Variants in TBC1D22A observed in about 807,000 individuals in gnomAD.
The protein encoded by TBC1D22A is putative GTPase activator.
A neutral mutation model predicts 60.2 loss-of-function variants in TBC1D22A; 38 were observed. The observed-to-expected ratio is 0.63, with a 90% CI of 0.49 to 0.83. The LOEUF (loss-of-function observed/expected upper bound fraction) is 0.83. TBC1D22A is among the 40% of genes least tolerant of loss of function. The pLI, the probability that TBC1D22A is intolerant of heterozygous loss-of-function variation, is 0.00. For missense variants in TBC1D22A, 628 were observed against 701.0 expected, an observed-to-expected ratio of 0.90 and a Z score of 1.18; for synonymous variants, 302 against 281.7, an observed-to-expected ratio of 1.07 and a Z score of -0.72.
At position 47,020,165 on chromosome 22, in the gene TBC1D22A, C is replaced by G. The variant is rs1003136136; in HGVS notation, c.1202-16906C>G. ...TGGAAAGATTTCATGTCGTCATGAG[C>G]TTGCATTCTTATGGGAGGAACAGCC... is the stretch of plus-strand genomic sequence containing the variant. On this transcript the variant is annotated intron_variant, in intron 10 of 12. Coordinates refer to ENST00000337137, the MANE Select transcript of TBC1D22A (RefSeq NM_014346.5). 6.5e-4 allele frequency among the ~76,000 whole-genome samples: 99 copies of G among 152,226 alleles called. 1 individual carries two copies. Among genetic ancestry groups the G allele is most frequent in the Admixed American group, 6.5e-3 (99 of 15,288 alleles).
At chr22:46,888,285 A>G (rs550739289) in intron 5 of TBC1D22A, among the ~76,000 whole-genome samples, 1 of 152,296 alleles carries the variant, frequency 6.6e-6, no homozygotes, top group South Asian at 2.1e-4. Flanking sequence ...CCGGACCACA[A>G]GGGTTGGGCA....
At chr22:46,966,571 A>G (rs925652220) in intron 8 of TBC1D22A, among the ~76,000 whole-genome samples, 34 of 152,258 alleles carry the variant, frequency 2.2e-4, no homozygotes, top group Non-Finnish European at 4.3e-4. Flanking sequence ...TTGAAACATT[A>G]AAGATCCACT....
chr22:47,140,120 C>A (rs2067023682), intron 12 of TBC1D22A, among the ~76,000 whole-genome samples: 1 of 152,174 alleles, frequency 6.6e-6, no homozygotes, highest in East Asian at 1.9e-4. Context: ...TTGGGAGCCA[C>A]AGACCTAATG....
At chr22:47,104,887 C>G (rs5767489) in intron 11 of TBC1D22A, among the ~76,000 whole-genome samples, 1 of 151,692 alleles carries the variant, frequency 6.6e-6, no homozygotes, top group African/African-American at 2.4e-5. Flanking sequence ...ATTCACCTAT[C>G]GCCTGGGAAC....
At chr22:46,765,547 C>A (rs1371439376) in intron 1 of TBC1D22A, among the ~76,000 whole-genome samples, 1 of 151,440 alleles carries the variant, frequency 6.6e-6, no homozygotes, top group Non-Finnish European at 1.5e-5. Flanking sequence ...CTCACTGCAA[C>A]CTCTGCCTCC....
At chr22:47,121,706 G>GA (rs1278829315) in intron 12 of TBC1D22A, among the ~76,000 whole-genome samples, 4 of 150,516 alleles carry the variant, frequency 2.7e-5, no homozygotes, top group South Asian at 2.1e-4. Context: ...TTTCTTGTTT[G>GA]AAAAAAAATT....
chr22:47,146,341 C>G (rs148080336), intron 12 of TBC1D22A, among the ~76,000 whole-genome samples: 10 of 152,322 alleles, frequency 6.6e-5, no homozygotes, highest in African/African-American at 2.4e-4. Context: ...CTCCCCAGCT[C>G]AGAGTCCTGC....
intron 10 of TBC1D22A, among the ~76,000 whole-genome samples, chr22:47,006,248 G>A (rs553152578): frequency 3.3e-5 from 5 of 152,316 alleles, no homozygotes; most frequent in South Asian, 2.1e-4. Flanking sequence ...GACTTCGATT[G>A]AGCTATAAAT....
At chr22:46,810,079 C>T (rs2147025159) in intron 4 of TBC1D22A, among the ~76,000 whole-genome samples, 1 of 152,302 alleles carries the variant, frequency 6.6e-6, no homozygotes, top group East Asian at 1.9e-4. Context: ...AAATGTGTCA[C>T]ATCAGCTCAC....
chr22:47,104,479 GAGGTC>G (rs57236019), intron 11 of TBC1D22A, among the ~76,000 whole-genome samples: 67,783 of 151,168 alleles, frequency 0.45, 16,101 homozygotes, highest in African/African-American at 0.63. Flanking sequence ...TGGATCACCT[GAGGTC>G]AGGAGTTTAA....
chr22:46,809,877 G>T (rs996686493), intron 4 of TBC1D22A, among the ~76,000 whole-genome samples: 1 of 152,040 alleles, frequency 6.6e-6, no homozygotes, highest in Non-Finnish European at 1.5e-5. Flanking sequence ...GGCATTTGTT[G>T]TCCTTTTATT....
chr22:46,966,267 C>T (rs2073799093), intron 8 of TBC1D22A, among the ~76,000 whole-genome samples: 1 of 152,148 alleles, frequency 6.6e-6, no homozygotes, highest in Admixed American at 6.5e-5. Flanking sequence ...TCTGCCCCAT[C>T]ACCCTGTTCA....
At chr22:46,947,406 G>A (rs563546087) in intron 8 of TBC1D22A, among the ~76,000 whole-genome samples, 8 of 152,282 alleles carry the variant, frequency 5.3e-5, no homozygotes, top group Middle Eastern at 6.8e-3. Context: ...TTAGCGCTGC[G>A]CATTAAAGGT....
intron 10 of TBC1D22A, 58 bp from the exon 11 acceptor site, chr22:47,037,013 G>T: frequency 6.2e-7 from 1 of 1,604,654 alleles, no homozygotes; most frequent in Non-Finnish European, 8.5e-7. Context: ...TGACCTGGCT[G>T]CCAGTGCCTC....
At chr22:47,169,959 G>T (rs1361284906) in intron 12 of TBC1D22A, among the ~76,000 whole-genome samples, 1 of 152,248 alleles carries the variant, frequency 6.6e-6, no homozygotes, top group African/African-American at 2.4e-5. Context: ...GAATGTGACC[G>T]AGGGATGGCT....
chr22:47,126,902 A>G (rs2066478420), intron 12 of TBC1D22A, among the ~76,000 whole-genome samples: 1 of 152,224 alleles, frequency 6.6e-6, no homozygotes, highest in South Asian at 2.1e-4. Context: ...CGTCTGGCTC[A>G]CTGTACTTCT....
intron 7 of TBC1D22A, among the ~76,000 whole-genome samples, chr22:46,895,165 C>G (rs2147632758): frequency 6.6e-6 from 1 of 152,276 alleles, no homozygotes; most frequent in Middle Eastern, 3.4e-3. Context: ...TGGCCTTGAC[C>G]TCAGGCCTGA....
chr22:47,024,616 G>A (rs1189652315), intron 10 of TBC1D22A, among the ~76,000 whole-genome samples: 1 of 152,130 alleles, frequency 6.6e-6, no homozygotes, highest in Non-Finnish European at 1.5e-5. Context: ...CACTTTGGGA[G>A]ACTGACACAG....
intron 7 of TBC1D22A, among the ~76,000 whole-genome samples, chr22:46,900,382 C>T (rs753136357): frequency 3.9e-5 from 6 of 152,116 alleles, no homozygotes; most frequent in Non-Finnish European, 7.4e-5. Context: ...GAACTCCTGA[C>T]CTGGAGATCC....
Sources: gnomAD v4.1 joint callset for allele counts (sites outside exome capture counted in the v4.1 genomes callset) on GRCh38, gnomAD v4.1.1 for gene constraint, MANE v1.5 for transcripts, NCBI Gene and HGNC (gene_info 2026-07-23, HGNC 2026-07-21) for gene names.